The following SLC4A4 variants were observed in gnomAD, a reference collection of about 807,000 sequenced individuals.
SLC4A4 encodes the protein solute carrier family 4 member 4.
A neutral mutation model predicts 111.5 loss-of-function variants in SLC4A4; 27 were observed. That is an observed-to-expected ratio of 0.24 (90% CI 0.18 to 0.33). The LOEUF (loss-of-function observed/expected upper bound fraction) is 0.33. Ranked by LOEUF, SLC4A4 falls within the 10% of genes least tolerant of loss-of-function variation. The pLI is 1.00. For synonymous variants in SLC4A4, 443 were observed against 463.4 expected, an observed-to-expected ratio of 0.96 and a Z score of 0.57; for missense variants, 909 against 1,315.5, an observed-to-expected ratio of 0.69 and a Z score of 4.78.
At chr4:71,509,051 A>G (rs564882431) in intron 16 of SLC4A4, among the ~76,000 whole-genome samples, 2 of 152,210 alleles carry the variant, frequency 1.3e-5, no homozygotes, top group Admixed American at 1.3e-4. Flanking sequence ...AAAATTCAAC[A>G]TTCGTTTATG....
In SLC4A4 at chr4:71,069,438, G is replaced by A. The variant is rs149921347; in HGVS notation, c.-65+6650G>A. ...AGACGACAGAGCAGGTAGAAAGAAGGAAATTATTTCCTTGATAACACTCTT... is the reference window on the plus strand; with the variant it reads ...AGACGACAGAGCAGGTAGAAAGAAGAAAATTATTTCCTTGATAACACTCTT... On this transcript the variant is annotated intron_variant, in intron 1 of 26. Transcript: ENST00000649996. 9.8e-5 allele frequency among the ~76,000 whole-genome samples: 15 copies of A among 152,290 alleles called. No homozygotes were observed. In the East Asian group the frequency reaches 2.7e-3, roughly 27 times the overall value.
intron 12 of SLC4A4, among the ~76,000 whole-genome samples, chr4:71,464,464 C>A (rs1253968888): frequency 1.3e-5 from 2 of 152,150 alleles, no homozygotes; most frequent in African/African-American, 4.8e-5. Context: ...GCAAGATAGT[C>A]TCTCTACGGA....
intron 3 of SLC4A4, among the ~76,000 whole-genome samples, chr4:71,326,557 A>G (rs1187760527): frequency 1.3e-5 from 2 of 152,080 alleles, no homozygotes; most frequent in East Asian, 1.9e-4. Flanking sequence ...AGATAGTAAT[A>G]CAATCTACCT....
At position 71,140,470 on chromosome 4, in the gene SLC4A4, A is replaced by G. The variant is rs78645076; in HGVS notation, c.-2+47678A>G. ...CTCTGCTAATGACTTCCAAATGTAT[A>G]TCTTCAACGGTGACTCTTTTTAATC... On this transcript the variant is annotated intron_variant, in intron 2 of 26. Coordinates refer to the SLC4A4 transcript ENST00000649996. Among the ~76,000 whole-genome samples the G allele has an allele frequency of 4.6e-5, 7 of 152,310 alleles. No homozygotes were observed. The East Asian group carries it at 1.3e-3, about 29-fold the overall frequency.
At chr4:71,431,019 G>A (rs979003517) in intron 7 of SLC4A4, among the ~76,000 whole-genome samples, 3 of 152,046 alleles carry the variant, frequency 2.0e-5, no homozygotes, top group Non-Finnish European at 4.4e-5. Flanking sequence ...TTGTTGGGAA[G>A]AGCAGAAATA....
chr4:71,493,701 C>T (rs998493422), intron 15 of SLC4A4, among the ~76,000 whole-genome samples: 32 of 151,186 alleles, frequency 2.1e-4, no homozygotes, highest in Admixed American at 1.1e-3. Flanking sequence ...CTCTCTCTCT[C>T]TCCTTTCTCC....
chr4:71,217,336 G>C (rs1178132605), intron 1 of SLC4A4, among the ~76,000 whole-genome samples: 1 of 152,176 alleles, frequency 6.6e-6, no homozygotes, highest in African/African-American at 2.4e-5. Flanking sequence ...GGGAGGCTGA[G>C]GTGGGCGATC....
chr4:71,171,879 A>C (rs1744950996), intron 2 of SLC4A4, among the ~76,000 whole-genome samples: 1 of 152,250 alleles, frequency 6.6e-6, no homozygotes, highest in Non-Finnish European at 1.5e-5. Context: ...TAAATAGTCA[A>C]TACTTTCTGT....
chr4:71,264,753 A>T (rs1722111577), intron 3 of SLC4A4, among the ~76,000 whole-genome samples: 1 of 152,048 alleles, frequency 6.6e-6, no homozygotes, highest in Admixed American at 6.6e-5. Flanking sequence ...AACCAAGCAG[A>T]TGGGCAAAAA....
At chr4:71,075,957 CTAAATAAATAAA>C (rs66711227) in intron 1 of SLC4A4, among the ~76,000 whole-genome samples, 4,036 of 140,248 alleles carry the variant, frequency 0.029, 95 homozygotes, top group Middle Eastern at 0.06. Flanking sequence ...GACTCCATCT[CTAAATAAATAAA>C]TAAATAAATA....
intron 2 of SLC4A4, among the ~76,000 whole-genome samples, chr4:71,100,355 A>AC (rs1553950637): frequency 2.0e-5 from 3 of 151,938 alleles, no homozygotes; most frequent in African/African-American, 4.8e-5. Flanking sequence ...CAAAAAAAAA[A>AC]CACATGATTA....
intron 2 of SLC4A4, among the ~76,000 whole-genome samples, chr4:71,157,006 C>G (rs192447313): frequency 6.6e-6 from 1 of 152,270 alleles, no homozygotes; most frequent in Admixed American, 6.5e-5. Context: ...AGAAAGGAGA[C>G]TATTCCTACC....
At chr4:71,514,834 T>A (rs1732237972) in intron 16 of SLC4A4, among the ~76,000 whole-genome samples, 1 of 152,210 alleles carries the variant, frequency 6.6e-6, no homozygotes, top group Admixed American at 6.5e-5. Flanking sequence ...TGAGTTGTAA[T>A]GTGTCCTTTT....
intron 20 of SLC4A4, 58 bp from the exon 21 acceptor site, chr4:71,555,082 T>C (rs1412009845): frequency 7.4e-6 from 9 of 1,209,946 alleles, no homozygotes; most frequent in Admixed American, 1.7e-5. Flanking sequence ...ATGATTCCTC[T>C]TCATTCCTCT....
intron 2 of SLC4A4, among the ~76,000 whole-genome samples, chr4:71,121,945 G>T (rs1459286392): frequency 6.6e-6 from 1 of 152,034 alleles, no homozygotes; most frequent in Admixed American, 6.6e-5. Flanking sequence ...AACAACTCCG[G>T]ACGGGAGGAA....
At chr4:71,288,560 G>C (rs1051932684) in intron 3 of SLC4A4, among the ~76,000 whole-genome samples, 4 of 151,994 alleles carry the variant, frequency 2.6e-5, no homozygotes, top group African/African-American at 9.7e-5. Context: ...CACCATGCCT[G>C]CCTAATTTTT....
chr4:71,539,354 T>C (rs1393334728), intron 18 of SLC4A4, among the ~76,000 whole-genome samples: 5 of 152,090 alleles, frequency 3.3e-5, no homozygotes, highest in Non-Finnish European at 7.4e-5. Flanking sequence ...CCCCTTTAAA[T>C]CTTTACCTCT....
At chr4:71,377,023 GT>G (rs1732471543) in intron 6 of SLC4A4, among the ~76,000 whole-genome samples, 1 of 152,186 alleles carries the variant, frequency 6.6e-6, no homozygotes, top group South Asian at 2.1e-4. Flanking sequence ...AAGTATAGTT[GT>G]TTTTCATAAG....
intron 6 of SLC4A4, among the ~76,000 whole-genome samples, chr4:71,378,859 A>G (rs1717807252): frequency 6.6e-6 from 1 of 152,106 alleles, no homozygotes; most frequent in African/African-American, 2.4e-5. Flanking sequence ...CTCTTAATGC[A>G]TCCTCCACCT....
Sources: allele counts gnomAD v4.1 joint callset (sites outside exome capture counted in the v4.1 genomes callset), GRCh38; gene constraint gnomAD v4.1.1; transcripts MANE v1.5; gene names NCBI Gene and HGNC (gene_info 2026-07-23, HGNC 2026-07-21).